The following UBE2K variants were observed in gnomAD, a reference collection of about 807,000 sequenced individuals.
UBE2K encodes ubiquitin conjugating enzyme E2 K.
UBE2K carries 6 observed loss-of-function variants against 30.0 expected under a neutral mutation model. The ratio of observed to expected loss-of-function variants is 0.20; its 90% CI spans 0.11 to 0.39. The LOEUF (loss-of-function observed/expected upper bound fraction) is 0.39, where lower values mean the gene tolerates loss of function less well. UBE2K is among the 10% of genes least tolerant of loss of function. The pLI is 1.00. For missense variants in UBE2K, 61 were observed against 241.6 expected, an observed-to-expected ratio of 0.25 and a Z score of 4.96; for synonymous variants, 86 against 83.7, an observed-to-expected ratio of 1.03 and a Z score of -0.15.
At chr4:39,700,028 G>A (rs1456953156) in intron 1 of UBE2K, among the ~76,000 whole-genome samples, 1 of 152,108 alleles carries the variant, frequency 6.6e-6, no homozygotes, top group African/African-American at 2.4e-5. Flanking sequence ...AGCAGTTGTT[G>A]TTGCCAACAA....
At chr4:39,707,297 C>T (rs1340460611) in intron 1 of UBE2K, among the ~76,000 whole-genome samples, 1 of 152,012 alleles carries the variant, frequency 6.6e-6, no homozygotes, top group Non-Finnish European at 1.5e-5. Flanking sequence ...ACTGCAGCTT[C>T]TGCTTCCCAG....
At chr4:39,719,642 C>A (rs1385752381) in intron 1 of UBE2K, among the ~76,000 whole-genome samples, 1 of 152,196 alleles carries the variant, frequency 6.6e-6, no homozygotes, top group Non-Finnish European at 1.5e-5. Flanking sequence ...TCTCAGTTAA[C>A]TATGGGTGTC....
intron 4 of UBE2K, chr4:39,761,119 G>A (rs1291215179): frequency 2.0e-5 from 3 of 152,222 alleles, no homozygotes; most frequent in African/African-American, 7.2e-5. Context: ...TCCACATTAA[G>A]TTGGGCATAA....
intron 1 of UBE2K, among the ~76,000 whole-genome samples, chr4:39,704,480 A>T (rs760861801): frequency 2.6e-5 from 4 of 151,936 alleles, no homozygotes; most frequent in South Asian, 2.1e-4. Context: ...TGTTACAAAG[A>T]CTTTGAGCTC....
intron 1 of UBE2K, among the ~76,000 whole-genome samples, chr4:39,715,001 G>A (rs1718967246): frequency 6.6e-6 from 1 of 151,440 alleles, no homozygotes; most frequent in Non-Finnish European, 1.5e-5. Flanking sequence ...TGGGACTACA[G>A]GTACAAGCCA....
At chr4:39,718,415 A>G (rs1010460717) in intron 1 of UBE2K, among the ~76,000 whole-genome samples, 1 of 152,292 alleles carries the variant, frequency 6.6e-6, no homozygotes, top group African/African-American at 2.4e-5. Context: ...AAGGTTCTCC[A>G]AGTCCCCACT....
chr4:39,705,893 A>G (rs888864911), intron 1 of UBE2K, among the ~76,000 whole-genome samples: 1 of 144,566 alleles, frequency 6.9e-6, no homozygotes, highest in African/African-American at 2.5e-5. Context: ...TTTGTCACCC[A>G]GGCTGGAGTG....
chr4:39,730,909 A>AAGC (rs1175178119), intron 1 of UBE2K, among the ~76,000 whole-genome samples: 13 of 148,760 alleles, frequency 8.7e-5, no homozygotes, highest in African/African-American at 3.0e-4. Flanking sequence ...TCTCGGGTTC[A>AAGC]AGCAGTTCTC....
intron 4 of UBE2K, among the ~76,000 whole-genome samples, chr4:39,760,175 A>T (rs28438631): frequency 0.2 from 15,055 of 76,358 alleles, 865 homozygotes; most frequent in East Asian, 0.36. Flanking sequence ...AGACTCTGTC[A>T]CAAAAAAAAA....
chr4:39,766,636 C>T lies in UBE2K; in HGVS notation c.300-8198C>T, dbSNP rs370157975. On this transcript the variant is annotated intron_variant, in intron 4 of 6. Transcript: ENST00000261427. The stretch of plus-strand genomic sequence containing the variant: ...GTGTTGCCCAAGCTGGCATCGAACT[C>T]TTGGGCTCAGGTGATCCTCCCACCT... Among the ~76,000 whole-genome samples the T allele has an allele frequency of 5.3e-5, 8 of 152,202 alleles. No homozygotes were observed. In the East Asian group the frequency reaches 1.5e-3, roughly 29 times the overall value.
intron 5 of UBE2K, among the ~76,000 whole-genome samples, chr4:39,777,475 A>G (rs1227174279): frequency 2.6e-5 from 4 of 152,144 alleles, no homozygotes; most frequent in African/African-American, 4.8e-5. Flanking sequence ...ACTTGTCTTT[A>G]TTATTGTCAA....
At chr4:39,735,505 C>T (rs779420292) in intron 1 of UBE2K, among the ~76,000 whole-genome samples, 9 of 152,162 alleles carry the variant, frequency 5.9e-5, no homozygotes, top group African/African-American at 1.9e-4. Context: ...CTCAGCCTCC[C>T]GAGTAGCTGG....
At chr4:39,766,063 T>C (rs1712313932) in intron 4 of UBE2K, among the ~76,000 whole-genome samples, 1 of 152,208 alleles carries the variant, frequency 6.6e-6, no homozygotes, top group African/African-American at 2.4e-5. Context: ...GTTATGAACA[T>C]TTATATATTA....
intron 4 of UBE2K, among the ~76,000 whole-genome samples, chr4:39,774,590 GC>G (rs1713170306): frequency 6.6e-6 from 1 of 151,976 alleles, no homozygotes; most frequent in Non-Finnish European, 1.5e-5. Flanking sequence ...TCCAGCCTGG[GC>G]GACAGAGCCA....
chr4:39,740,688 C>G (rs1340364224), intron 2 of UBE2K, among the ~76,000 whole-genome samples: 1 of 149,990 alleles, frequency 6.7e-6, no homozygotes, highest in Non-Finnish European at 1.5e-5. Context: ...CGATGAAACC[C>G]CGTCTCTACT....
intron 3 of UBE2K, among the ~76,000 whole-genome samples, chr4:39,751,352 G>A (rs993489505): frequency 6.6e-6 from 1 of 152,106 alleles, no homozygotes; most frequent in Non-Finnish European, 1.5e-5. Flanking sequence ...AGAGAATTCT[G>A]TATAGAAGAC....
chr4:39,718,857 C>T (rs1234431485), intron 1 of UBE2K, among the ~76,000 whole-genome samples: 4 of 152,252 alleles, frequency 2.6e-5, no homozygotes, highest in Non-Finnish European at 5.9e-5. Flanking sequence ...ACGCCGTGCG[C>T]AGCCCCGGTT....
intron 1 of UBE2K, among the ~76,000 whole-genome samples, chr4:39,699,811 G>C (rs1197440062): frequency 6.6e-6 from 1 of 152,106 alleles, no homozygotes; most frequent in Non-Finnish European, 1.5e-5. Context: ...TATAAGTCAT[G>C]GTCGGTTTTA....
chr4:39,700,377 GTTGT>G (rs551187308), intron 1 of UBE2K, among the ~76,000 whole-genome samples: 26 of 152,216 alleles, frequency 1.7e-4, no homozygotes, highest in Admixed American at 1.0e-3. Flanking sequence ...TGTTGTTTTT[GTTGT>G]TTGTTTGTTT....
Sources: allele counts gnomAD v4.1 joint callset (sites outside exome capture counted in the v4.1 genomes callset), GRCh38; gene constraint gnomAD v4.1.1; transcripts MANE v1.5; gene names NCBI Gene and HGNC (gene_info 2026-07-23, HGNC 2026-07-21).